SSH1: variants seen among roughly 807,000 people sequenced by gnomAD.
SSH1 encodes the protein protein phosphatase Slingshot homolog 1.
A neutral mutation model predicts 79.7 loss-of-function variants in SSH1; 43 were observed. That is an observed-to-expected ratio of 0.54 (90% CI 0.42 to 0.70). The LOEUF is 0.70. Among genes scored for constraint, SSH1 ranks in the 30% least tolerant of loss-of-function variants. SSH1 has a pLI of 0.00. For synonymous variants in SSH1, 599 were observed against 538.3 expected (o/e 1.11, Z -1.56); for missense variants, 1,206 against 1,358.8 (o/e 0.89, Z 1.77).
In SSH1 at chr12:108,792,633, C is replaced by A; in HGVS notation, c.1546G>T (p.Asp516Tyr). Residue 516 changes from aspartate to tyrosine, a missense_variant, in exon 14 of 15, where the codon GAC becomes TAC. By Grantham distance (160) the Asp-to-Tyr change is radical. Coordinates refer to ENST00000326495, the MANE Select transcript of SSH1 (RefSeq NM_018984.4). ...TCCTCAGGGGAAGGCAGAAGGGGGT[C>A]TGAGAGTCGCCGGAAACAGCAGGGG... ...PLPCCFRRLS[D>Y]PLLPSPEDET... The A allele has an allele frequency of 6.2e-7, 1 of 1,611,906 alleles. No homozygotes were observed. Among genetic ancestry groups the A allele is most frequent in the Non-Finnish European group, 8.5e-7 (1 of 1,179,608 alleles).
chr12:108,857,546 C>T lies in SSH1; in HGVS notation c.-50G>A, dbSNP rs1489222069. 3.0e-6 allele frequency: 3 copies of T among 1,008,832 alleles called. No homozygotes were observed. The highest frequency in any genetic ancestry group is 3.6e-6 in the Non-Finnish European group (3 of 838,860). 62.5% of individuals were successfully genotyped at this position (1,008,832 alleles called of 1,614,324 possible). The stretch of plus-strand genomic sequence containing the variant: ...CACAGACGTCTCGAGCTAGAGCCGC[C>T]ACCGCCACCGCCGCCCGGGCCGGGC... On this transcript the variant is annotated 5_prime_UTR_variant, in exon 1 of 15. Coordinates refer to ENST00000326495, the MANE Select transcript of SSH1 (RefSeq NM_018984.4). This position sits in a 1 kb window ranked among gnomAD's most constrained non-coding sequence, Gnocchi z 4.7.
In SSH1 at chr12:108,791,708, G is replaced by A. The variant is rs918485201; in HGVS notation, c.1893+578C>T. Among the ~76,000 whole-genome samples the A allele has an allele frequency of 7.0e-4, 107 of 152,278 alleles. 1 individual carries two copies. Among genetic ancestry groups the A allele is most frequent in the African/African-American group, 2.4e-3 (98 of 41,568 alleles). The stretch of plus-strand genomic sequence containing the variant: ...TGGGAGGTCAAGGCTGCAGTGAACC[G>A]TGATCATGCCACTGTACTCCAGCAT... On this transcript the variant is annotated intron_variant, in intron 14 of 14. Coordinates refer to ENST00000326495, the MANE Select transcript of SSH1 (RefSeq NM_018984.4).
chr12:108,810,324 C>T (rs1007339341), intron 6 of SSH1, among the ~76,000 whole-genome samples: 2 of 151,874 alleles, frequency 1.3e-5, no homozygotes, highest in African/African-American at 4.8e-5. Flanking sequence ...GAGTTTGAGA[C>T]CAGCCTGGCC....
chr12:108,817,564 G>A (rs116277916), intron 4 of SSH1, among the ~76,000 whole-genome samples: 4,338 of 152,312 alleles, frequency 0.028, 235 homozygotes, highest in African/African-American at 0.099. Flanking sequence ...GACAGAGTGA[G>A]ATTCTGTCTC....
At chr12:108,845,924 T>C (rs1473046324) in intron 2 of SSH1, among the ~76,000 whole-genome samples, 3 of 151,706 alleles carry the variant, frequency 2.0e-5, no homozygotes, top group Non-Finnish European at 4.4e-5. Context: ...AACCCCAGAG[T>C]GTGGACAGGT....
At chr12:108,797,780 TCCACATTCA>T (rs1403804288) in intron 13 of SSH1, among the ~76,000 whole-genome samples, 1 of 152,196 alleles carries the variant, frequency 6.6e-6, no homozygotes, top group Non-Finnish European at 1.5e-5. Context: ...AGTAAAATTC[TCCACATTCA>T]CCATTCTTCA....
At chr12:108,843,255 G>A (rs1189486116) in intron 2 of SSH1, among the ~76,000 whole-genome samples, 3 of 152,142 alleles carry the variant, frequency 2.0e-5, no homozygotes, top group African/African-American at 7.2e-5. Context: ...AAACTGCAAC[G>A]GAGGCAACGG....
intron 13 of SSH1, among the ~76,000 whole-genome samples, chr12:108,794,485 G>A (rs1479274846): frequency 6.6e-6 from 1 of 152,184 alleles, no homozygotes; most frequent in Non-Finnish European, 1.5e-5. Context: ...CCTGATCCTC[G>A]TAAAAGGGGG....
chr12:108,794,678 C>T (rs2036665735), intron 13 of SSH1, among the ~76,000 whole-genome samples: 1 of 152,214 alleles, frequency 6.6e-6, no homozygotes, highest in Non-Finnish European at 1.5e-5. Context: ...GGAAGTGGGT[C>T]ACGCAAATCT....
At chr12:108,812,808 T>C (rs1262207056) in intron 5 of SSH1, among the ~76,000 whole-genome samples, 1 of 152,064 alleles carries the variant, frequency 6.6e-6, no homozygotes, top group African/African-American at 2.4e-5. Flanking sequence ...CCTACAATGA[T>C]TAACAATAAG....
chr12:108,787,789 C>T lies in SSH1; in HGVS notation c.*199G>A, dbSNP rs879418146. 5 of 693,826 alleles carry T rather than the reference C, an allele frequency of 7.2e-6. No homozygotes were observed. The highest frequency in any genetic ancestry group is 1.9e-5 in the South Asian group (1 of 52,808). 43.0% of individuals were successfully genotyped at this position (693,826 alleles called of 1,614,324 possible). A position where few individuals can be genotyped will look rare whatever the true frequency, so the allele number is the denominator to read the frequency against. ...CGGCTCCTGGTTCTCCCAGGCCACACGACTGACAGCTCCCCTTCTTGTGCT... is the reference window on the plus strand; with the variant it reads ...CGGCTCCTGGTTCTCCCAGGCCACATGACTGACAGCTCCCCTTCTTGTGCT... On this transcript the variant is annotated 3_prime_UTR_variant, in exon 15 of 15. Coordinates refer to ENST00000326495, the MANE Select transcript of SSH1 (RefSeq NM_018984.4).
In SSH1 at chr12:108,787,824, T is replaced by G; in HGVS notation, c.*164A>C. On this transcript the variant is annotated 3_prime_UTR_variant, in exon 15 of 15. Coordinates refer to ENST00000326495, the MANE Select transcript of SSH1 (RefSeq NM_018984.4). ...CTCCCCTTCTTGTGCTGCATGTTGGTTAGTTTCTTCTCCTCCTCTCTATGG... is the reference window on the plus strand; with the variant it reads ...CTCCCCTTCTTGTGCTGCATGTTGGGTAGTTTCTTCTCCTCCTCTCTATGG... 1.2e-6 allele frequency: 1 copy of G among 867,972 alleles called. No homozygotes were observed. The highest frequency in any genetic ancestry group is 1.8e-6 in the Non-Finnish European group (1 of 566,668). The allele number at this position is 867,972 out of a possible 1,614,324, so 53.8% of individuals were successfully genotyped here.
intron 2 of SSH1, chr12:108,827,414 T>C: frequency 7.1e-7 from 1 of 1,409,546 alleles, no homozygotes; most frequent in Non-Finnish European, 9.3e-7. Flanking sequence ...ATCTGCTCCC[T>C]ATGGAGATCA....
intron 2 of SSH1, among the ~76,000 whole-genome samples, chr12:108,849,416 G>A (rs1243242230): frequency 6.6e-6 from 1 of 152,080 alleles, no homozygotes; most frequent in Non-Finnish European, 1.5e-5. Flanking sequence ...AATTAGCCAG[G>A]TGTGGTGGCG....
At chr12:108,792,118 C>G (rs1476048571) in intron 14 of SSH1, 168 bp downstream of exon 14, 20 of 1,484,150 alleles carry the variant, frequency 1.3e-5, no homozygotes, top group Admixed American at 4.8e-5. Flanking sequence ...TGAAAGAACC[C>G]TCAGGTCCCT....
intron 5 of SSH1, among the ~76,000 whole-genome samples, chr12:108,813,948 GT>G (rs1171232685): frequency 6.6e-6 from 1 of 152,168 alleles, no homozygotes; most frequent in East Asian, 1.9e-4. Context: ...GTGAGGCCGG[GT>G]ACAGTGGCTC....
At chr12:108,832,256 C>A (rs146106244) in intron 2 of SSH1, among the ~76,000 whole-genome samples, 1 of 151,854 alleles carries the variant, frequency 6.6e-6, no homozygotes, top group Non-Finnish European at 1.5e-5. Flanking sequence ...AAGATTGTAC[C>A]GCTGCACTCC....
chr12:108,827,482 C>A, intron 2 of SSH1: 1 of 1,298,778 alleles, frequency 7.7e-7, no homozygotes. Context: ...AACTCCTCCT[C>A]AGAGTCCTAC....
chr12:108,789,287 T>C (rs1364703213), intron 14 of SSH1, 43 bp from the exon 15 acceptor site: 1 of 1,560,898 alleles, frequency 6.4e-7, no homozygotes, highest in African/African-American at 1.4e-5. Flanking sequence ...GGTGCAGTCA[T>C]GAGCCAAAGA....
Sources: gnomAD v4.1 joint callset for allele counts (sites outside exome capture counted in the v4.1 genomes callset) on GRCh38, gnomAD v4.1.1 for gene constraint, Gnocchi (gnomAD v3.1) non-coding constraint, MANE v1.5 for transcripts, NCBI Gene and HGNC (gene_info 2026-07-23, HGNC 2026-07-21) for gene names.